MRTFB: variants seen among roughly 807,000 people sequenced by gnomAD.
MRTFB encodes myocardin-related transcription factor B.
A neutral mutation model predicts 104.2 loss-of-function variants in MRTFB; 29 were observed. The observed-to-expected ratio is 0.28, with a 90% confidence interval of 0.21 to 0.38. The LOEUF (loss-of-function observed/expected upper bound fraction) is 0.38. Among genes scored for constraint, MRTFB ranks in the 10% least tolerant of loss-of-function variants. The pLI is 1.00. For missense variants in MRTFB, 1,270 were observed against 1,341.6 expected (o/e 0.95, Z 0.83); for synonymous variants, 535 against 519.5 (o/e 1.03, Z -0.41).
At chr16:14,014,899 G>A in the MRTFB span, among the ~76,000 whole-genome samples, 3 of 151,992 alleles carry the variant, frequency 2.0e-5, no homozygotes, top group South Asian at 2.1e-4. Context: ...CTCTCAGTTC[G>A]GTGTCTAACA....
intron 3 of MRTFB, among the ~76,000 whole-genome samples, chr16:14,148,198 CT>C (rs1197140944): frequency 6.6e-6 from 1 of 152,126 alleles, no homozygotes; most frequent in Non-Finnish European, 1.5e-5. Context: ...CTATAACCTC[CT>C]AGCTACTTAG....
chr16:14,255,129 T>G (rs375819286), intron 15 of MRTFB, among the ~76,000 whole-genome samples: 17 of 152,186 alleles, frequency 1.1e-4, no homozygotes, highest in African/African-American at 3.9e-4. Flanking sequence ...ACAGAGATTG[T>G]GAAGTGAACA....
In MRTFB at chr16:14,245,598, C is replaced by A; in HGVS notation, c.1150C>A (p.Gln384Lys). The change falls in exon 11 of 17, where the codon CAG becomes AAG. Residue 384 changes from glutamine to lysine, a missense_variant. By Grantham distance (53) the Gln-to-Lys change is moderately conservative. Around this residue, in one of 3 missense-constraint regions of MRTFB, gnomAD observed 1,144 missense variants for 1,131.5 expected, o/e 1.01. Coordinates refer to ENST00000571589, the MANE Select transcript of MRTFB (RefSeq NM_001308142.2). Reference protein sequence around the residue: ...LNNATPNTPRQNTSTPVRKPG... With the variant: ...LNNATPNTPRKNTSTPVRKPG... ...CAATGCCACACCTAACACACCAAGA[C>A]AGAATACATCTACTCCTGTGAGAAA... The A allele has an allele frequency of 6.2e-7, 1 of 1,614,110 alleles. No individual in the cohort carries two copies.
intron 2 of MRTFB, among the ~76,000 whole-genome samples, chr16:14,090,761 C>CTA (rs1394271764): frequency 6.6e-6 from 1 of 152,118 alleles, no homozygotes; most frequent in Non-Finnish European, 1.5e-5. Flanking sequence ...TCACAACAGC[C>CTA]TATCTAGGAT....
chr16:14,257,952 G>A (rs1266113843), intron 15 of MRTFB, 149 bp from the exon 16 acceptor site: 1 of 646,594 alleles, frequency 1.5e-6, no homozygotes, highest in East Asian at 2.9e-5. Flanking sequence ...TTGGGTAAAT[G>A]GCTTAACTTC....
chr16:14,159,333 C>T (rs1422132459), intron 3 of MRTFB, among the ~76,000 whole-genome samples: 7 of 152,142 alleles, frequency 4.6e-5, no homozygotes. Context: ...TTTGAAGGTA[C>T]TCAGCTAAAT....
At chr16:14,189,960 C>T (rs752455101) in intron 3 of MRTFB, among the ~76,000 whole-genome samples, 1 of 152,100 alleles carries the variant, frequency 6.6e-6, no homozygotes, top group Non-Finnish European at 1.5e-5. Context: ...CAAGAATTGA[C>T]GGGATGCCTT....
Position 14,240,937 on chromosome 16 carries a change from A to G in MRTFB, c.1079+453A>G, listed in dbSNP as rs548742788. The G allele has an allele frequency of 1.6e-5, 10 of 607,544 alleles. No individual in the cohort carries two copies. In the African/African-American group the frequency reaches 1.7e-4, roughly 10 times the overall value. 37.6% of individuals were successfully genotyped at this position (607,544 alleles called of 1,614,324 possible). On this transcript the variant is annotated intron_variant, in intron 10 of 16. Transcript: ENST00000571589. The stretch of plus-strand genomic sequence containing the variant: ...GAAGGGCCTTTCCAGGCACAGGGGA[A>G]TGCTGTGAGCACTAGTACAGAGGAA...
At chr16:14,017,528 C>T in the MRTFB span, among the ~76,000 whole-genome samples, 2 of 140,776 alleles carry the variant, frequency 1.4e-5, no homozygotes, top group South Asian at 2.3e-4. Flanking sequence ...TGTGTTTGTT[C>T]GTGTGAAACC....
intron 2 of MRTFB, among the ~76,000 whole-genome samples, chr16:14,079,688 A>G (rs1486923372): frequency 1.3e-5 from 2 of 152,126 alleles, no homozygotes; most frequent in Admixed American, 1.3e-4. Flanking sequence ...CTTTTTTCTT[A>G]AAATAGGGAG....
chr16:14,162,310 C>T (rs1168545540), intron 3 of MRTFB, among the ~76,000 whole-genome samples: 2 of 152,070 alleles, frequency 1.3e-5, no homozygotes, highest in African/African-American at 4.8e-5. Context: ...CTCCCCTGGG[C>T]AACAGAGCAA....
intron 15 of MRTFB, among the ~76,000 whole-genome samples, chr16:14,253,792 G>A (rs1410676947): frequency 6.6e-6 from 1 of 152,194 alleles, no homozygotes; most frequent in Non-Finnish European, 1.5e-5. Flanking sequence ...GTTGTAAGAT[G>A]TCCCTTAGTT....
chr16:14,212,431 T>C (rs1033129699), intron 5 of MRTFB, 22 bp downstream of exon 5: 21 of 1,610,396 alleles, frequency 1.3e-5, no homozygotes, highest in Non-Finnish European at 1.6e-5. Flanking sequence ...CACTTTAAAA[T>C]GTTCTACTTC....
intron 3 of MRTFB, among the ~76,000 whole-genome samples, chr16:14,161,653 C>T (rs964427374): frequency 2.6e-5 from 4 of 152,112 alleles, no homozygotes; most frequent in Non-Finnish European, 4.4e-5. Context: ...AAAATCAACT[C>T]GTCCAGTAAG....
chr16:14,042,003 T>C, the MRTFB span, among the ~76,000 whole-genome samples: 1 of 152,198 alleles, frequency 6.6e-6, no homozygotes, highest in Non-Finnish European at 1.5e-5. Context: ...GGTAATTCTA[T>C]TTTTAATTTT....
chr16:14,017,711 A>ATTT, the MRTFB span, among the ~76,000 whole-genome samples: 7 of 33,596 alleles, frequency 2.1e-4, 1 homozygote, highest in African/African-American at 4.2e-4. Flanking sequence ...ATATATATAT[A>ATTT]TTTTTTTTTT....
chr16:14,098,082 G>A lies in MRTFB; in HGVS notation c.-64+18728G>A, dbSNP rs138253466. On this transcript the variant is annotated intron_variant, in intron 2 of 16. Transcript: ENST00000571589. Reference sequence around the variant, plus strand: ...TCTGAACATTTATATGCAAGTCTTCGTATGGACTCTGTTATCTCTTGAGTA... The same window carrying A: ...TCTGAACATTTATATGCAAGTCTTCATATGGACTCTGTTATCTCTTGAGTA... 7.2e-5 allele frequency among the ~76,000 whole-genome samples: 11 copies of A among 152,272 alleles called. 1 individual carries two copies. In the East Asian group the frequency reaches 7.7e-4, roughly 11 times the overall value.
chr16:14,234,607 A>G (rs894785235), intron 9 of MRTFB, among the ~76,000 whole-genome samples: 2 of 152,294 alleles, frequency 1.3e-5, no homozygotes, highest in South Asian at 4.1e-4. Context: ...CAGCCTGGGC[A>G]ACATAGCAAG....
intron 3 of MRTFB, chr16:14,186,826 A>G (rs1288201771): frequency 1.3e-6 from 2 of 1,584,338 alleles, no homozygotes; most frequent in African/African-American, 2.7e-5. Context: ...GGACCCAGGG[A>G]CCAGAGTGTT....
Sources: gnomAD v4.1 joint callset for allele counts (sites outside exome capture counted in the v4.1 genomes callset) on GRCh38, gnomAD v4.1.1 for gene constraint, gnomAD v4.1.1 regional missense constraint, MANE v1.5 for transcripts, NCBI Gene and HGNC (gene_info 2026-07-23, HGNC 2026-07-21) for gene names.